The following ST3GAL3 variants were observed in gnomAD, a reference collection of about 807,000 sequenced individuals.
The protein encoded by ST3GAL3 is CMP-N-acetylneuraminate-beta-1,4-galactoside alpha-2,3-sialyltransferase.
A neutral mutation model predicts 50.1 loss-of-function variants in ST3GAL3; 21 were observed. The ratio of observed to expected loss-of-function variants is 0.42; its 90% CI spans 0.30 to 0.60. ST3GAL3 has a LOEUF of 0.60. Among genes scored for constraint, ST3GAL3 ranks in the 20% least tolerant of loss-of-function variants. ST3GAL3 has a pLI of 0.19. For missense variants in ST3GAL3, 353 were observed against 489.4 expected (o/e 0.72, Z 2.63); for synonymous variants, 183 against 190.0 (o/e 0.96, Z 0.30).
In ST3GAL3 at chr1:43,829,995, CT is replaced by C. The variant is rs71579312; in HGVS notation, c.210-8194del. 1.7e-3 allele frequency among the ~76,000 whole-genome samples: 122 copies of C among 70,112 alleles called. No individual in the cohort carries two copies. In the South Asian group the frequency reaches 0.027, roughly 15 times the overall value. The allele number at this position is 70,112 out of a possible 152,430, so 46.0% of individuals were successfully genotyped here. A position where few individuals can be genotyped will look rare whatever the true frequency, so the allele number is the denominator to read the frequency against. On this transcript the variant is annotated intron_variant, in intron 4 of 11. Transcript: ENST00000347631. Reference sequence around the variant, plus strand: ...CAACCCACTGCAAGCATAAAAATTCCTTTTTTTTTTTTTTTTTTTTTTTTTT... The same window carrying C: ...CAACCCACTGCAAGCATAAAAATTCCTTTTTTTTTTTTTTTTTTTTTTTTT...
At chr1:43,712,890 G>A (rs1482726565) in intron 1 of ST3GAL3, among the ~76,000 whole-genome samples, 1 of 152,164 alleles carries the variant, frequency 6.6e-6, no homozygotes, top group East Asian at 1.9e-4. Context: ...GATTGTGAAG[G>A]TCTTTGTGAG....
intron 9 of ST3GAL3, among the ~76,000 whole-genome samples, chr1:43,911,517 ATATAGATATCTATAGACATATCTGTAGC>A (rs1422641464): frequency 1.6e-5 from 2 of 122,832 alleles, no homozygotes; most frequent in African/African-American, 6.4e-5. Flanking sequence ...ACATCTATAG[ATATAGATATCTATAGACATATCTGTAGC>A]TATAGATATC....
chr1:43,732,575 A>G (rs938474908), intron 1 of ST3GAL3, among the ~76,000 whole-genome samples: 2 of 152,222 alleles, frequency 1.3e-5, no homozygotes, highest in Non-Finnish European at 2.9e-5. Context: ...CACAACAGCT[A>G]TAAAAAATCC....
intron 9 of ST3GAL3, among the ~76,000 whole-genome samples, chr1:43,907,743 T>C (rs1375188000): frequency 6.6e-6 from 1 of 152,152 alleles, no homozygotes; most frequent in African/African-American, 2.4e-5. Flanking sequence ...CTTCATTCCT[T>C]TGTCTCCTTT....
chr1:43,928,599 G>GAA (rs963588621), intron 11 of ST3GAL3, among the ~76,000 whole-genome samples: 1 of 136,528 alleles, frequency 7.3e-6, no homozygotes. Flanking sequence ...GACACCATCT[G>GAA]AAAAAAAAAA....
chr1:43,734,179 G>C (rs962079697), intron 1 of ST3GAL3, among the ~76,000 whole-genome samples: 1 of 151,890 alleles, frequency 6.6e-6, no homozygotes, highest in African/African-American at 2.4e-5. Context: ...TTTGGTGAAA[G>C]TCTTGCCCAT....
At chr1:43,862,419 C>G (rs1036036929) in intron 5 of ST3GAL3, among the ~76,000 whole-genome samples, 1 of 152,216 alleles carries the variant, frequency 6.6e-6, no homozygotes, top group Non-Finnish European at 1.5e-5. Context: ...TGGTGACTGA[C>G]TAAACTGGGG....
chr1:43,850,127 A>G (rs1003221290), intron 5 of ST3GAL3, among the ~76,000 whole-genome samples: 1 of 152,264 alleles, frequency 6.6e-6, no homozygotes, highest in African/African-American at 2.4e-5. Context: ...AATGAAACTT[A>G]AACAAATTTT....
intron 2 of ST3GAL3, among the ~76,000 whole-genome samples, chr1:43,754,286 A>G (rs1324587117): frequency 6.6e-6 from 1 of 152,114 alleles, no homozygotes; most frequent in Non-Finnish European, 1.5e-5. Flanking sequence ...TCTGCCTCCT[A>G]GGTTCAAGGA....
chr1:43,796,162 A>G (rs2058665092), intron 3 of ST3GAL3, among the ~76,000 whole-genome samples: 1 of 152,220 alleles, frequency 6.6e-6, no homozygotes, highest in Non-Finnish European at 1.5e-5. Context: ...CAGAGGAGCT[A>G]TAGTCCCAAG....
intron 1 of ST3GAL3, among the ~76,000 whole-genome samples, chr1:43,710,912 G>A (rs558363758): frequency 1.4e-4 from 21 of 152,268 alleles, no homozygotes; most frequent in African/African-American, 5.1e-4. Flanking sequence ...CACAGTATAA[G>A]ACTGAAGCTA....
At position 43,806,079 on chromosome 1, in the gene ST3GAL3, A is replaced by G. The variant is rs1039790891; in HGVS notation, c.167-8812A>G. Among the ~76,000 whole-genome samples, 4 of 152,236 alleles carry G rather than the reference A, an allele frequency of 2.6e-5. No homozygotes were observed. The East Asian group carries it at 7.7e-4, about 29-fold the overall frequency. ...GGGCCTTCGAACTAGGGTCTAAAGA[A>G]TGAGCAGGAATTAACCGAATAAAGA... On this transcript the variant is annotated intron_variant, in intron 3 of 11. Coordinates refer to ENST00000347631, the MANE Select transcript of ST3GAL3 (RefSeq NM_006279.5).
chr1:43,857,415 C>T (rs556290308), intron 5 of ST3GAL3, among the ~76,000 whole-genome samples: 5 of 152,046 alleles, frequency 3.3e-5, no homozygotes, highest in Admixed American at 6.5e-5. Context: ...CCAAAAAAAA[C>T]CCAAAAAAAC....
chr1:43,898,408 C>T (rs2077707652), intron 7 of ST3GAL3, 110 bp downstream of exon 7: 1 of 1,075,990 alleles, frequency 9.3e-7, no homozygotes, highest in Non-Finnish European at 1.4e-6. Flanking sequence ...AGCACATCCA[C>T]ACATGCACAT....
In ST3GAL3 at chr1:43,899,436, G is replaced by GGGA; in HGVS notation, c.558-104_558-103insGAG. The GGGA allele has an allele frequency of 6.4e-7, 1 of 1,569,956 alleles. No individual in the cohort carries two copies. The highest frequency in any genetic ancestry group is 8.7e-7 in the Non-Finnish European group (1 of 1,153,454). ...CTAGCGGGGGCACCTGGGGAGAATA[G>GGGA]GTCCAGGTGACCTGGACTCCCTATT... On this transcript the variant is annotated intron_variant, in intron 8 of 11. Coordinates refer to ENST00000347631, the MANE Select transcript of ST3GAL3 (RefSeq NM_006279.5). The surrounding 1 kb of genome is among the most constrained non-coding windows in gnomAD (Gnocchi z 5.4).
intron 5 of ST3GAL3, among the ~76,000 whole-genome samples, chr1:43,851,852 C>T (rs778937926): frequency 6.6e-6 from 1 of 152,184 alleles, no homozygotes; most frequent in African/African-American, 2.4e-5. Flanking sequence ...TACACTGCCA[C>T]GCACCAGCAA....
rs1557611733 is a variant in ST3GAL3, at chr1:43,930,142, A to G, written c.1049A>G (p.His350Arg). 6.2e-7 allele frequency: 1 copy of G among 1,614,230 alleles called. No individual in the cohort carries two copies. The highest frequency in any genetic ancestry group is 8.5e-7 in the Non-Finnish European group (1 of 1,180,042). The change falls in exon 12 of 12, where the codon CAC becomes CGC. Residue 350 changes from histidine to arginine, a missense_variant. Physicochemically the swap from His to Arg is conservative, Grantham distance 29 (BLOSUM62 0). Coordinates refer to ENST00000347631, the MANE Select transcript of ST3GAL3 (RefSeq NM_006279.5). ...CATCTCTCCTTTCAGTCCTGGACGC[A>G]CAATATCCAGCGAGAGAAAGAGTTT... ...RMAAIKESWT[H>R]NIQREKEFLR... is the part of the protein sequence containing the mutation.
At chr1:43,850,726 G>A (rs1201149252) in intron 5 of ST3GAL3, 1 of 750,456 alleles carries the variant, frequency 1.3e-6, no homozygotes, top group East Asian at 2.5e-5. Flanking sequence ...AGCTCCGTCA[G>A]TGCCTCAGAC....
chr1:43,736,490 C>T, intron 2 of ST3GAL3, 110 bp downstream of exon 2: 2 of 1,592,948 alleles, frequency 1.3e-6, no homozygotes, highest in Non-Finnish European at 1.7e-6. Context: ...TGAGAGTAAA[C>T]TGAACATTTC....
Sources: allele counts gnomAD v4.1 joint callset (sites outside exome capture counted in the v4.1 genomes callset), GRCh38; gene constraint gnomAD v4.1.1; non-coding constraint Gnocchi (gnomAD v3.1); transcripts MANE v1.5; gene names NCBI Gene and HGNC (gene_info 2026-07-23, HGNC 2026-07-21).